The following KCNMA1 variants were observed in gnomAD, a reference collection of about 807,000 sequenced individuals.
KCNMA1 encodes the protein potassium calcium-activated channel subfamily M alpha 1, also known as Calcium-activated potassium channel subunit alpha-1.
Under a neutral mutation model 140.0 loss-of-function variants are expected in KCNMA1, and 29 were observed. The observed-to-expected ratio is 0.21, with a 90% CI of 0.15 to 0.28. The LOEUF (loss-of-function observed/expected upper bound fraction) is 0.28, where lower values mean the gene tolerates loss of function less well. KCNMA1 is among the 10% of genes least tolerant of loss of function. The pLI, the probability that KCNMA1 is intolerant of heterozygous loss-of-function variation, is 1.00. For missense variants in KCNMA1, 880 were observed against 1,602.2 expected (o/e 0.55, Z 7.70); for synonymous variants, 612 against 611.9 (o/e 1.00, Z 0.00).
chr10:77,455,333 C>A (rs971867103), intron 1 of KCNMA1, among the ~76,000 whole-genome samples: 1 of 152,120 alleles, frequency 6.6e-6, no homozygotes, highest in African/African-American at 2.4e-5. Context: ...GACTCCTAGA[C>A]CCAAGCCTCT....
chr10:77,381,254 A>AGATG (rs966995547), intron 2 of KCNMA1, among the ~76,000 whole-genome samples: 12 of 152,352 alleles, frequency 7.9e-5, no homozygotes, highest in Admixed American at 7.8e-4. Context: ...AGGGGAAGAT[A>AGATG]GATGATAAGT....
Position 77,389,924 on chromosome 10 carries a change from G to A in KCNMA1, c.540+13938C>T, listed in dbSNP as rs112279039. On this transcript the variant is annotated intron_variant, in intron 2 of 27. Transcript: ENST00000286628. ...ACTTCAAATGGAGGCAAAACCATGG[G>A]AGAGCCATGCAGAGACACCCCTTGA... 4.9e-3 allele frequency among the ~76,000 whole-genome samples: 741 copies of A among 152,324 alleles called. 4 individuals carry two copies. The highest frequency in any genetic ancestry group is 8.1e-3 in the Non-Finnish European group (553 of 68,042).
rs113441525 is a variant in KCNMA1 at position 76,944,837 on chromosome 10, C to T, written c.2838G>A (p.Ala946=). ...ACTGCATAGATTTGATGTTGAGTGA[C>T]GCCAAGATGCATTCCTTGTCCTGCA... ...TSLQDKECIL[A]SLNIKSMQFD... The change falls in exon 23 of 28, where the codon GCG becomes GCA. Residue 946 remains alanine, a synonymous_variant. Transcript: ENST00000286628. 7.9e-5 allele frequency: 127 copies of T among 1,614,144 alleles called. No homozygotes were observed. In the Admixed American group the frequency reaches 9.2e-4, roughly 12 times the overall value.
chr10:76,998,627 C>T (rs1367067019), intron 19 of KCNMA1, among the ~76,000 whole-genome samples: 1 of 152,190 alleles, frequency 6.6e-6, no homozygotes, highest in Non-Finnish European at 1.5e-5. Context: ...GGGCCCTTCT[C>T]CTGCCATTTC....
rs543083594 is a variant in KCNMA1 at position 77,328,734 on chromosome 10, T to C, written c.540+75128A>G. On this transcript the variant is annotated intron_variant, in intron 2 of 27. Transcript: ENST00000286628. ...GAAAACATATATGGGAGGTCATGAC[T>C]TCTGAGACATTTCCAAGGAGAAAAC... Among the ~76,000 whole-genome samples the C allele has an allele frequency of 1.2e-3, 180 of 152,354 alleles. 1 individual carries two copies. The highest frequency in any genetic ancestry group is 4.2e-3 in the African/African-American group (174 of 41,590).
At chr10:77,322,427 A>C (rs2082619825) in intron 2 of KCNMA1, among the ~76,000 whole-genome samples, 1 of 152,246 alleles carries the variant, frequency 6.6e-6, no homozygotes, top group Admixed American at 6.5e-5. Flanking sequence ...AAAAGACAAG[A>C]GGATACAGAA....
At chr10:76,900,671 T>G (rs1431178349) in intron 25 of KCNMA1, among the ~76,000 whole-genome samples, 1 of 152,092 alleles carries the variant, frequency 6.6e-6, no homozygotes, top group Non-Finnish European at 1.5e-5. Context: ...AAAAACTGAA[T>G]TCACTATATA....
chr10:77,512,883 A>G (rs1312676993), intron 1 of KCNMA1, among the ~76,000 whole-genome samples: 1 of 152,142 alleles, frequency 6.6e-6, no homozygotes, highest in East Asian at 1.9e-4. Flanking sequence ...CCACCGTTCC[A>G]CTATTAACTC....
chr10:76,947,883 C>G (rs1226106810), intron 22 of KCNMA1, among the ~76,000 whole-genome samples: 1 of 152,104 alleles, frequency 6.6e-6, no homozygotes, highest in Non-Finnish European at 1.5e-5. Flanking sequence ...GGCTCTTTTT[C>G]CCCCCATTTC....
At chr10:77,351,706 G>C (rs547151430) in intron 2 of KCNMA1, among the ~76,000 whole-genome samples, 39 of 152,226 alleles carry the variant, frequency 2.6e-4, no homozygotes, top group African/African-American at 8.9e-4. Context: ...TCAAAACTAG[G>C]TCTGGAGGGT....
intron 1 of KCNMA1, among the ~76,000 whole-genome samples, chr10:77,465,436 G>A (rs1248213383): frequency 3.3e-5 from 5 of 152,142 alleles, no homozygotes; most frequent in Non-Finnish European, 7.4e-5. Flanking sequence ...AGGAATTCTG[G>A]TATTACAGAA....
rs12260510 is a variant in KCNMA1 at position 77,589,538 on chromosome 10, A to G, written c.378+47727T>C. 2.7e-3 allele frequency among the ~76,000 whole-genome samples: 413 copies of G among 152,298 alleles called. 5 individuals are homozygous for G. The highest frequency in any genetic ancestry group is 9.1e-3 in the African/African-American group (379 of 41,560). On this transcript the variant is annotated intron_variant, in intron 1 of 27. Transcript: ENST00000286628. ...CCTGGAAGGCTGAACACACACACAC[A>G]CACGCACAAAGTGTGTGTACATCCT...
intron 1 of KCNMA1, among the ~76,000 whole-genome samples, chr10:77,523,316 T>A (rs1237165153): frequency 6.6e-6 from 1 of 152,120 alleles, no homozygotes; most frequent in Non-Finnish European, 1.5e-5. Flanking sequence ...AACAGTTTTT[T>A]AAAAATATGT....
chr10:77,115,465 C>T (rs988285738), intron 6 of KCNMA1, among the ~76,000 whole-genome samples: 2 of 152,170 alleles, frequency 1.3e-5, no homozygotes, highest in East Asian at 3.9e-4. Context: ...TGATAGCCGG[C>T]GACAAAGGGA....
chr10:77,394,929 C>G (rs1485069314), intron 2 of KCNMA1, among the ~76,000 whole-genome samples: 2 of 152,154 alleles, frequency 1.3e-5, no homozygotes, highest in Non-Finnish European at 2.9e-5. Context: ...CAGAAGCAGC[C>G]ACAGACGATA....
At chr10:77,131,422 A>G (rs191851293) in intron 5 of KCNMA1, among the ~76,000 whole-genome samples, 4 of 152,120 alleles carry the variant, frequency 2.6e-5, no homozygotes, top group East Asian at 3.9e-4. Flanking sequence ...ACATCTACAT[A>G]TAACCACATG....
chr10:77,302,943 G>T lies in KCNMA1; in HGVS notation c.541-51687C>A, dbSNP rs117417510. ...TAAACTGGCTTTGGTTTGCAGGGGG[G>T]GGTTTCACTGGGGACTCACCTGTGT... On this transcript the variant is annotated intron_variant, in intron 2 of 27. Transcript: ENST00000286628. Among the ~76,000 whole-genome samples the T allele has an allele frequency of 1.2e-4, 19 of 152,130 alleles. 1 individual carries two copies. In the East Asian group the frequency reaches 2.3e-3, roughly 19 times the overall value.
At chr10:77,267,935 T>C (rs2063866579) in intron 2 of KCNMA1, among the ~76,000 whole-genome samples, 1 of 152,174 alleles carries the variant, frequency 6.6e-6, no homozygotes, top group Non-Finnish European at 1.5e-5. Flanking sequence ...TCTGATGGCA[T>C]TTTAATAAGC....
At chr10:77,028,694 C>T (rs1565638567) in intron 15 of KCNMA1, among the ~76,000 whole-genome samples, 2 of 152,218 alleles carry the variant, frequency 1.3e-5, no homozygotes, top group African/African-American at 2.4e-5. Flanking sequence ...TGGCTGTGGT[C>T]GCTCCCTATT....
Sources: gnomAD v4.1 joint callset for allele counts (sites outside exome capture counted in the v4.1 genomes callset) on GRCh38, gnomAD v4.1.1 for gene constraint, MANE v1.5 for transcripts, NCBI Gene and HGNC (gene_info 2026-07-23, HGNC 2026-07-21) for gene names.